Variants in CNTLN observed in about 807,000 individuals in gnomAD.
The protein encoded by CNTLN is centlein.
A neutral mutation model predicts 180.0 loss-of-function variants in CNTLN; 212 were observed. That is an observed-to-expected ratio of 1.18 (90% CI 1.05 to 1.32). The LOEUF (loss-of-function observed/expected upper bound fraction) is 1.32. CNTLN is among the 40% of genes most tolerant of loss of function. CNTLN has a pLI of 0.00. For synonymous variants in CNTLN, 722 were observed against 563.1 expected, an observed-to-expected ratio of 1.28 and a Z score of -3.99; for missense variants, 2,095 against 1,610.9, an observed-to-expected ratio of 1.30 and a Z score of -5.14.
Position 17,178,777 on chromosome 9 carries a change from G to C in CNTLN, c.449+35401G>C, listed in dbSNP as rs541833781. ...TGCCAGCGTCTCTCCCTCCACACCT[G>C]CCTTCAAGCTGAGGGAGTCAGCTCT... On this transcript the variant is annotated intron_variant, in intron 2 of 25. Transcript: ENST00000380647. Among the ~76,000 whole-genome samples the C allele has an allele frequency of 2.7e-3, 412 of 152,180 alleles. 2 individuals are homozygous for C. The highest frequency in any genetic ancestry group is 4.9e-3 in the Non-Finnish European group (332 of 68,004).
intron 3 of CNTLN, among the ~76,000 whole-genome samples, chr9:17,230,847 C>G (rs911562439): frequency 2.0e-5 from 3 of 151,998 alleles, no homozygotes; most frequent in Non-Finnish European, 4.4e-5. Flanking sequence ...GCCCCCTTCC[C>G]CCAAGCATGA....
At chr9:17,250,292 G>A (rs1826060182) in intron 5 of CNTLN, among the ~76,000 whole-genome samples, 1 of 151,782 alleles carries the variant, frequency 6.6e-6, no homozygotes, top group Non-Finnish European at 1.5e-5. Flanking sequence ...ACATATTGTT[G>A]TAGAATGTTT....
At chr9:17,295,636 G>A (rs1448707285) in intron 6 of CNTLN, among the ~76,000 whole-genome samples, 1 of 152,070 alleles carries the variant, frequency 6.6e-6, no homozygotes, top group Non-Finnish European at 1.5e-5. Context: ...GGCCATCTTG[G>A]CCCGCCCTGT....
chr9:17,420,021 T>A (rs1303256892), intron 18 of CNTLN, among the ~76,000 whole-genome samples: 2 of 152,116 alleles, frequency 1.3e-5, no homozygotes, highest in Non-Finnish European at 2.9e-5. Context: ...TTCAAGCAAT[T>A]CTTCTGGCTC....
intron 5 of CNTLN, among the ~76,000 whole-genome samples, chr9:17,242,823 CTT>C (rs1316508406): frequency 7.2e-5 from 11 of 151,984 alleles, no homozygotes; most frequent in Admixed American, 5.9e-4. Flanking sequence ...TTTGATGTGT[CTT>C]TGTCTGGCTT....
At chr9:17,246,548 G>A (rs1009503091) in intron 5 of CNTLN, among the ~76,000 whole-genome samples, 1 of 152,158 alleles carries the variant, frequency 6.6e-6, no homozygotes, top group African/African-American at 2.4e-5. Flanking sequence ...CCACTGTGTG[G>A]TTTTTGCCTG....
intron 25 of CNTLN, among the ~76,000 whole-genome samples, chr9:17,495,654 T>G (rs989513505): frequency 3.3e-5 from 5 of 152,176 alleles, no homozygotes; most frequent in African/African-American, 1.2e-4. Context: ...TTTTAATACA[T>G]TTAATGAAGC....
intron 15 of CNTLN, among the ~76,000 whole-genome samples, chr9:17,395,549 C>G (rs939344757): frequency 2.6e-5 from 4 of 152,160 alleles, no homozygotes; most frequent in Admixed American, 1.3e-4. Context: ...TACCAGATGT[C>G]TACAAGCTGT....
chr9:17,183,776 C>T (rs1354279192), intron 2 of CNTLN, among the ~76,000 whole-genome samples: 2 of 152,016 alleles, frequency 1.3e-5, no homozygotes, highest in Non-Finnish European at 2.9e-5. Flanking sequence ...ACATGAAATA[C>T]ACTTCTGCAT....
intron 3 of CNTLN, among the ~76,000 whole-genome samples, chr9:17,227,365 T>C (rs1824539153): frequency 6.6e-6 from 1 of 152,018 alleles, no homozygotes; most frequent in Non-Finnish European, 1.5e-5. Context: ...ATAATCAGTA[T>C]GTAATCACTG....
At chr9:17,318,572 A>G (rs894012176) in intron 8 of CNTLN, among the ~76,000 whole-genome samples, 2 of 152,344 alleles carry the variant, frequency 1.3e-5, no homozygotes, top group East Asian at 3.9e-4. Context: ...ATTAAAAATG[A>G]ATTCATGCTT....
At chr9:17,345,957 A>G (rs1433589283) in intron 12 of CNTLN, among the ~76,000 whole-genome samples, 3 of 152,204 alleles carry the variant, frequency 2.0e-5, no homozygotes, top group Non-Finnish European at 2.9e-5. Flanking sequence ...GTTGGCTGGT[A>G]AGAAATTCTC....
intron 13 of CNTLN, among the ~76,000 whole-genome samples, chr9:17,373,917 G>A (rs561561261): frequency 3.9e-4 from 59 of 152,256 alleles, no homozygotes; most frequent in African/African-American, 1.4e-3. Context: ...ATTCATATGC[G>A]TAAGAATGAA....
chr9:17,159,617 GA>G (rs1333628971), intron 2 of CNTLN, among the ~76,000 whole-genome samples: 1 of 152,188 alleles, frequency 6.6e-6, no homozygotes, highest in Admixed American at 6.5e-5. Flanking sequence ...GTTAGCTGGG[GA>G]CAGGATGAGA....
At position 17,486,996 on chromosome 9, in the gene CNTLN, A is replaced by T. The variant is rs777339053; in HGVS notation, c.4049A>T (p.Glu1350Val). 12 of 1,575,180 alleles carry T rather than the reference A, an allele frequency of 7.6e-6. No homozygotes were observed. Among genetic ancestry groups the T allele is most frequent in the Non-Finnish European group, 9.4e-6 (11 of 1,166,602 alleles). ...TTTATTTTTTTTCTTCAGGAAATTG[A>T]AAAAACAAAAATTGATGCTGAAAAT... is the stretch of plus-strand genomic sequence containing the variant. The part of the protein sequence containing the change: ...ILDTEDQVEI[E>V]KTKIDAENDK... The change falls in exon 25 of 26, where the codon GAA (glutamate) becomes GTA (valine). Residue 1350 changes from glutamate (E) to valine (V), a missense_variant. By Grantham distance (121) the Glu-to-Val change is moderately radical (BLOSUM62 -2). Coordinates refer to ENST00000380647, the MANE Select transcript of CNTLN (RefSeq NM_017738.4).
In CNTLN at chr9:17,261,834, T is replaced by C. The variant is rs188835625; in HGVS notation, c.850-11899T>C. On this transcript the variant is annotated intron_variant, in intron 5 of 25. Transcript: ENST00000380647. ...AAAGAAAATGTTTGCAATCTACCAT[T>C]CTGACAAAGGTATCCAGAATCTACA... Among the ~76,000 whole-genome samples the C allele has an allele frequency of 2.6e-5, 4 of 151,578 alleles. No individual in the cohort carries two copies. The East Asian group carries it at 7.7e-4, about 29-fold the overall frequency.
At chr9:17,223,370 G>T (rs1210995043) in intron 2 of CNTLN, among the ~76,000 whole-genome samples, 2 of 151,950 alleles carry the variant, frequency 1.3e-5, no homozygotes, top group Non-Finnish European at 2.9e-5. Flanking sequence ...ACTGATTCCA[G>T]ACTTTTTAAT....
intron 5 of CNTLN, among the ~76,000 whole-genome samples, chr9:17,254,219 C>T (rs1019227233): frequency 1.3e-5 from 2 of 151,582 alleles, no homozygotes; most frequent in African/African-American, 2.4e-5. Flanking sequence ...TATTGAAGTC[C>T]TTTTGTTGCC....
the CNTLN span, among the ~76,000 whole-genome samples, chr9:17,520,393 C>G: frequency 1.3e-5 from 2 of 152,180 alleles, no homozygotes; most frequent in Non-Finnish European, 2.9e-5. Flanking sequence ...GAAACAGTCC[C>G]TTAATAACTT....
Sources: allele counts gnomAD v4.1 joint callset (sites outside exome capture counted in the v4.1 genomes callset), GRCh38; gene constraint gnomAD v4.1.1; transcripts MANE v1.5; gene names NCBI Gene and HGNC (gene_info 2026-07-23, HGNC 2026-07-21).